The following ENG variants were observed in gnomAD, a reference collection of about 807,000 sequenced individuals.
The protein encoded by ENG is endoglin, also known as CD105 antigen.
In ENG, 17 loss-of-function variants were observed where a neutral mutation model predicts 71.0. That is an observed-to-expected ratio of 0.24 (90% CI 0.16 to 0.36). ENG has a LOEUF of 0.36. ENG is among the 10% of genes least tolerant of loss of function. ENG has a pLI of 1.00. For missense variants in ENG, 749 were observed against 868.3 expected (o/e 0.86, Z 1.73); for synonymous variants, 360 against 366.9 (o/e 0.98, Z 0.21).
At position 127,824,436 on chromosome 9, in the gene ENG, C is replaced by T. The variant is rs1416672742; in HGVS notation, c.1002G>A (p.Leu334=). Residue 334 remains leucine (L), a synonymous_variant, in exon 8 of 15, where the codon CTG becomes CTA. Coordinates refer to ENST00000373203, the MANE Select transcript of ENG (RefSeq NM_001114753.3). ...SLHASSCGGR[L]QTSPAPIQTT... The stretch of plus-strand genomic sequence containing the variant: ...TCTGGATCGGTGCGGGTGAGGTCTG[C>T]AGCCTACCACCTGTGGGGTAGCAGA... 3 of 1,612,942 alleles carry T rather than the reference C, an allele frequency of 1.9e-6. No individual in the cohort carries two copies. Among genetic ancestry groups the T allele is most frequent in the Non-Finnish European group, 2.5e-6 (3 of 1,179,712 alleles).
chr9:127,815,775 C>T lies in ENG; in HGVS notation c.1884G>A (p.Ala628=), dbSNP rs762716634. Reference sequence around the variant, plus strand: ...TCTCCGAGGAGGCCGGGGCAGCCACCGCCACCACGGGCTCCCGCTTGCTGG... The same window carrying T: ...TCTCCGAGGAGGCCGGGGCAGCCACTGCCACCACGGGCTCCCGCTTGCTGG... The part of the protein sequence containing the change: ...RSPSKREPVV[A]VAAPASSESS... Residue 628 remains alanine (A), a synonymous_variant, in exon 15 of 15, where the codon GCG becomes GCA. Transcript: ENST00000373203. 66 of 1,545,238 alleles carry T rather than the reference C, an allele frequency of 4.3e-5. No homozygotes were observed. The highest frequency in any genetic ancestry group is 5.4e-5 in the Non-Finnish European group (62 of 1,147,476).
At chr9:127,851,995 A>G (rs938278984) in intron 1 of ENG, among the ~76,000 whole-genome samples, 4 of 152,170 alleles carry the variant, frequency 2.6e-5, no homozygotes, top group Non-Finnish European at 5.9e-5. Context: ...ATTGTACATT[A>G]TTACTATTTT....
chr9:127,837,397 G>A (rs1318293600), intron 2 of ENG, among the ~76,000 whole-genome samples: 2 of 152,126 alleles, frequency 1.3e-5, no homozygotes, highest in Non-Finnish European at 2.9e-5. Context: ...GCCACAGAGT[G>A]GGTTTTCAGA....
chr9:127,828,997 T>G (rs1328425885), intron 3 of ENG, among the ~76,000 whole-genome samples: 2 of 152,120 alleles, frequency 1.3e-5, no homozygotes, highest in Non-Finnish European at 2.9e-5. Context: ...CCACCCTGCC[T>G]CCTCCAGCCC....
intron 5 of ENG, 107 bp downstream of exon 5, chr9:127,825,588 T>A: frequency 2.5e-6 from 3 of 1,184,702 alleles, no homozygotes; most frequent in Non-Finnish European, 3.4e-6. Context: ...GGGCTGGGGC[T>A]GGGACTGGGG....
At chr9:127,826,708 T>C (rs1187615497) in intron 3 of ENG, 36 bp from the exon 4 acceptor site, 1 of 1,611,266 alleles carries the variant, frequency 6.2e-7, no homozygotes, top group African/African-American at 1.3e-5. Flanking sequence ...ACGCTGTTCC[T>C]GGCCCTGTGC....
At chr9:127,824,773 A>ATGGAGG in intron 7 of ENG, 27 bp downstream of exon 7, 1 of 1,504,968 alleles carries the variant, frequency 6.6e-7, no homozygotes, top group South Asian at 1.3e-5. Flanking sequence ...GGGGAAGGGA[A>ATGGAGG]GGGAGGGGCA....
rs1049234734 is a variant in ENG at position 127,838,755 on chromosome 9, C to G, written c.219+4339G>C. Among the ~76,000 whole-genome samples the G allele has an allele frequency of 5.9e-5, 9 of 152,128 alleles. No individual in the cohort carries two copies. Among genetic ancestry groups the G allele is most frequent in the African/African-American group, 1.7e-4 (7 of 41,404 alleles). On this transcript the variant is annotated intron_variant, in intron 2 of 14. Coordinates refer to ENST00000373203, the MANE Select transcript of ENG (RefSeq NM_001114753.3). The surrounding 1 kb of genome is among the most constrained non-coding windows in gnomAD (Gnocchi z 4.3). The stretch of plus-strand genomic sequence containing the variant: ...CGAGGGTCAGGATGTGACCCTGGGC[C>G]CCCTCCCGGAATCCAGGCTCCGGCC...
rs530473321 is a variant in ENG at position 127,838,939 on chromosome 9, G to A, written c.219+4155C>T. ...AATCTGAGGATTCTGAGGGATGGAC[G>A]GGAAAGCCACTTCTCTGTGCCAGAG... On this transcript the variant is annotated intron_variant, in intron 2 of 14. Transcript: ENST00000373203. The surrounding 1 kb of genome is among the most constrained non-coding windows in gnomAD (Gnocchi z 4.3). Among the ~76,000 whole-genome samples the A allele has an allele frequency of 2.0e-5, 3 of 152,292 alleles. No individual in the cohort carries two copies. Among genetic ancestry groups the A allele is most frequent in the East Asian group, 1.9e-4 (1 of 5,184 alleles).
chr9:127,845,219 G>A (rs1252082031), intron 1 of ENG, among the ~76,000 whole-genome samples: 1 of 152,232 alleles, frequency 6.6e-6, no homozygotes, highest in African/African-American at 2.4e-5. Flanking sequence ...CGGCTCAGAG[G>A]AGGGGGCAGG....
At chr9:127,837,972 A>G (rs1830944937) in intron 2 of ENG, among the ~76,000 whole-genome samples, 1 of 152,148 alleles carries the variant, frequency 6.6e-6, no homozygotes, top group Non-Finnish European at 1.5e-5. Flanking sequence ...GCCTGAGACA[A>G]GAATACAAAT....
At chr9:127,824,712 C>G (rs1292428977) in intron 7 of ENG, 88 bp downstream of exon 7, 32 of 1,401,036 alleles carry the variant, frequency 2.3e-5, no homozygotes, top group Non-Finnish European at 3.0e-5. Context: ...GTACCTTGCC[C>G]AAGCTCACAC....
chr9:127,850,517 G>T (rs574871270), intron 1 of ENG, among the ~76,000 whole-genome samples: 1 of 152,318 alleles, frequency 6.6e-6, no homozygotes, highest in South Asian at 2.1e-4. Context: ...CCCGTGTCTC[G>T]GGGAGCCCAC....
rs1346571758 is a variant in ENG at position 127,838,115 on chromosome 9, GC to G, written c.219+4978del. On this transcript the variant is annotated intron_variant, in intron 2 of 14. Coordinates refer to ENST00000373203, the MANE Select transcript of ENG (RefSeq NM_001114753.3). The surrounding 1 kb of genome is among the most constrained non-coding windows in gnomAD (Gnocchi z 4.3). The stretch of plus-strand genomic sequence containing the variant: ...TCCACCATGCCTGCCTCCCCAAGTA[GC>G]CAACTCAACCATCCTTCAGGTCTGG... Among the ~76,000 whole-genome samples the G allele has an allele frequency of 1.3e-5, 2 of 152,162 alleles. No homozygotes were observed. The highest frequency in any genetic ancestry group is 2.9e-5 in the Non-Finnish European group (2 of 68,032).
At chr9:127,833,617 C>A (rs1361497206) in intron 2 of ENG, among the ~76,000 whole-genome samples, 1 of 151,202 alleles carries the variant, frequency 6.6e-6, no homozygotes, top group African/African-American at 2.4e-5. Context: ...TGCTGAAACA[C>A]AGACTCCCAG....
chr9:127,829,610 C>T (rs1225000418), intron 3 of ENG, 77 bp downstream of exon 3: 26 of 1,590,580 alleles, frequency 1.6e-5, no homozygotes, highest in Admixed American at 3.5e-5. Context: ...GGGTGGGAGA[C>T]CCTGACCCAC....
rs1830426140 is a variant in ENG at position 127,819,674 on chromosome 9, G to A, written c.1273-14C>T. The A allele has an allele frequency of 9.3e-6, 15 of 1,605,808 alleles. No individual in the cohort carries two copies. The highest frequency in any genetic ancestry group is 1.3e-5 in the African/African-American group (1 of 74,992). On this transcript the variant is annotated splice_polypyrimidine_tract_variant and intron_variant, in intron 9 of 14. Transcript: ENST00000373203. ...ATTGACCACCGCCTGCGGGGATAAA[G>A]CCAGGGAGCTGGTCAGAGCCAGAAA...
intron 8 of ENG, among the ~76,000 whole-genome samples, chr9:127,823,467 C>CA (rs1830519887): frequency 1.3e-5 from 2 of 151,282 alleles, no homozygotes; most frequent in South Asian, 4.2e-4. Flanking sequence ...CAGCTCACTG[C>CA]AAGCTCTGCC....
intron 13 of ENG, 47 bp downstream of exon 13, chr9:127,817,102 T>C: frequency 6.2e-7 from 1 of 1,608,846 alleles, no homozygotes. Flanking sequence ...TGCCCTACTG[T>C]GACCTCAGCC....
Sources: gnomAD v4.1 joint callset for allele counts (sites outside exome capture counted in the v4.1 genomes callset) on GRCh38, gnomAD v4.1.1 for gene constraint, Gnocchi (gnomAD v3.1) non-coding constraint, MANE v1.5 for transcripts, NCBI Gene and HGNC (gene_info 2026-07-23, HGNC 2026-07-21) for gene names.